NUDT1: variants seen among roughly 807,000 people sequenced by gnomAD.
NUDT1 encodes the protein oxidized purine nucleoside triphosphate hydrolase.
A neutral mutation model predicts 11.3 loss-of-function variants in NUDT1; 16 were observed. The ratio of observed to expected loss-of-function variants is 1.41; its 90% CI spans 0.96 to 2.15. The LOEUF is 2.15. Among genes scored for constraint, NUDT1 ranks in the 30% most tolerant of loss-of-function variants. The probability of loss-of-function intolerance (pLI) is 0.00; values close to 1 mark genes in which losing one functional copy is unlikely to be tolerated. For synonymous variants in NUDT1, 101 were observed against 84.4 expected, an observed-to-expected ratio of 1.20 and a Z score of -1.08; for missense variants, 234 against 208.4, an observed-to-expected ratio of 1.12 and a Z score of -0.76.
intron 1 of NUDT1, among the ~76,000 whole-genome samples, chr7:2,243,240 C>A (rs1397311095): frequency 6.6e-6 from 1 of 152,100 alleles, no homozygotes; most frequent in African/African-American, 2.4e-5. Context: ...AGGCACAGGA[C>A]GGGGACGTGG....
Position 2,250,010 on chromosome 7 carries a change from T to C in NUDT1, c.298+8T>C. The stretch of plus-strand genomic sequence containing the variant: ...CCCCCGTGGAGAGCGACGGTGAGTC[T>C]CACAGGGCCTGCTCCCCCTCCCCAC... On this transcript the variant is annotated splice_region_variant and intron_variant, in intron 3 of 3. Coordinates refer to ENST00000356714, the MANE Select transcript of NUDT1 (RefSeq NM_002452.4). The C allele has an allele frequency of 6.2e-7, 1 of 1,613,576 alleles. No homozygotes were observed. Among genetic ancestry groups the C allele is most frequent in the Non-Finnish European group, 8.5e-7 (1 of 1,179,906 alleles).
chr7:2,242,945 G>A (rs370335326), intron 1 of NUDT1: 1 of 713,946 alleles, frequency 1.4e-6, no homozygotes, highest in Non-Finnish European at 2.6e-6. Context: ...TTGATGTACT[G>A]GAGCAATCAG....
intron 1 of NUDT1, 178 bp downstream of exon 1, chr7:2,242,434 G>T: frequency 2.0e-6 from 1 of 507,942 alleles, no homozygotes; most frequent in South Asian, 2.8e-5. Context: ...GGAGAGCGGG[G>T]CCGGGGGTTT....
At position 2,250,816 on chromosome 7, in the gene NUDT1, C is replaced by A. The variant is rs781275176; in HGVS notation, c.299-13C>A. On this transcript the variant is annotated splice_polypyrimidine_tract_variant and intron_variant, in intron 3 of 3. Transcript: ENST00000356714. ...GTTGCACCTCAGTGCCTCCTCTTCC[C>A]CCATTGGTACAGAAATGCGCCCATG... 1 of 1,614,034 alleles carries A rather than the reference C, an allele frequency of 6.2e-7. No homozygotes were observed. Among genetic ancestry groups the A allele is most frequent in the Non-Finnish European group, 8.5e-7 (1 of 1,179,940 alleles).
chr7:2,243,085 G>A (rs1194451710), intron 1 of NUDT1: 1 of 709,220 alleles, frequency 1.4e-6, no homozygotes, highest in African/African-American at 1.7e-5. Context: ...TGAGCAGCCT[G>A]GGCTCTCCTC....
At chr7:2,243,292 G>A (rs748375154) in intron 1 of NUDT1, among the ~76,000 whole-genome samples, 4 of 152,192 alleles carry the variant, frequency 2.6e-5, no homozygotes, top group Non-Finnish European at 4.4e-5. Flanking sequence ...AAACAGAAAT[G>A]CCTGTCCTCA....
intron 2 of NUDT1, among the ~76,000 whole-genome samples, chr7:2,246,674 G>A (rs1282310093): frequency 1.3e-5 from 2 of 152,196 alleles, no homozygotes; most frequent in African/African-American, 4.8e-5. Context: ...TACACAAACA[G>A]AGGGACCATC....
intron 3 of NUDT1, among the ~76,000 whole-genome samples, 175 bp downstream of exon 3, chr7:2,250,177 C>T (rs972304537): frequency 2.8e-4 from 42 of 152,382 alleles, no homozygotes; most frequent in African/African-American, 9.6e-4. Context: ...CACCGAGGCT[C>T]CAGTAGCGTA....
At chr7:2,245,684 G>A (rs1794741689) in intron 2 of NUDT1, among the ~76,000 whole-genome samples, 1 of 152,036 alleles carries the variant, frequency 6.6e-6, no homozygotes, top group Non-Finnish European at 1.5e-5. Context: ...TCAGCCTCAC[G>A]AACAGCTGGG....
At position 2,242,230 on chromosome 7, in the gene NUDT1, G is replaced by A; in HGVS notation, c.-39G>A. The A allele has an allele frequency of 6.6e-7, 1 of 1,504,730 alleles. No homozygotes were observed. The allele number at this position is 1,504,730 out of a possible 1,614,324, so 93.2% of individuals were successfully genotyped here. ...TGCCTGGCCTCACTTCCGGTCAGAG[G>A]CCACGCCCCCGGAAGCGGCGGTGCA... is the stretch of plus-strand genomic sequence containing the variant. On this transcript the variant is annotated 5_prime_UTR_variant, in exon 1 of 4. Transcript: ENST00000356714.
At position 2,250,937 on chromosome 7, in the gene NUDT1, A is replaced by T. The variant is rs1562412327; in HGVS notation, c.407A>T (p.Tyr136Phe). ...LLLQKKKFHG[Y>F]FKFQGQDTIL... ...CTTCAGAAGAAGAAATTCCACGGGT[A>T]CTTCAAGTTCCAGGGTCAGGACACC... The change falls in exon 4 of 4, where the codon TAC (tyrosine) becomes TTC (phenylalanine). Residue 136 changes from tyrosine (Y) to phenylalanine (F), a missense_variant. Transcript: ENST00000356714. 6.2e-7 allele frequency: 1 copy of T among 1,613,982 alleles called. No homozygotes were observed. Among genetic ancestry groups the T allele is most frequent in the Non-Finnish European group, 8.5e-7 (1 of 1,179,924 alleles).
intron 1 of NUDT1, chr7:2,242,468 G>A (rs973017644): frequency 4.1e-6 from 2 of 491,480 alleles, no homozygotes; most frequent in African/African-American, 2.0e-5. Context: ...GGAGAGCGGG[G>A]CGGAGGCTTG....
At chr7:2,249,729 C>T in intron 2 of NUDT1, 128 bp from the exon 3 acceptor site, 6 of 1,148,144 alleles carry the variant, frequency 5.2e-6, no homozygotes, top group Non-Finnish European at 7.6e-6. Context: ...GGACATCCTC[C>T]TGGGTCTCCC....
chr7:2,245,243 A>C (rs2115055257), intron 2 of NUDT1, among the ~76,000 whole-genome samples: 1 of 152,290 alleles, frequency 6.6e-6, no homozygotes, highest in Middle Eastern at 3.4e-3. Flanking sequence ...ACCCAAGATC[A>C]CACAGTCCTC....
intron 1 of NUDT1, chr7:2,242,987 GTTTTATGA>G: frequency 1.4e-6 from 1 of 716,912 alleles, no homozygotes; most frequent in Non-Finnish European, 2.6e-6. Flanking sequence ...TGAGTGCAAG[GTTTTATGA>G]GTGGAATTAG....
chr7:2,246,282 G>C (rs1480772427), intron 2 of NUDT1, among the ~76,000 whole-genome samples: 1 of 152,200 alleles, frequency 6.6e-6, no homozygotes, highest in Non-Finnish European at 1.5e-5. Context: ...TGGCTGCCGG[G>C]TTCAGGAGAC....
intron 2 of NUDT1, among the ~76,000 whole-genome samples, chr7:2,247,388 T>G (rs34413455): frequency 1.3e-5 from 2 of 152,142 alleles, no homozygotes; most frequent in African/African-American, 4.8e-5. Context: ...GACCCTCCTC[T>G]GTGGGGCAGG....
chr7:2,244,620 C>T lies in NUDT1; in HGVS notation c.46C>T (p.Gln16Ter). The T allele has an allele frequency of 6.2e-7, 1 of 1,613,548 alleles. No individual in the cohort carries two copies. The highest frequency in any genetic ancestry group is 8.5e-7 in the Non-Finnish European group (1 of 1,179,696). ...LYTLVLVLQP[Q>*]RVLLGMKKRG... ...TACCCTGGTGCTGGTCCTGCAGCCTCAGCGAGTTCTCCTGGGCATGAAAAA... is the reference window on the plus strand; with the variant it reads ...TACCCTGGTGCTGGTCCTGCAGCCTTAGCGAGTTCTCCTGGGCATGAAAAA... Residue 16 changes from glutamine to a stop codon, truncating the protein, a stop_gained, in exon 2 of 4, where the codon CAG becomes TAG. Transcript: ENST00000356714. LOFTEE classifies it high-confidence loss of function.
In NUDT1 at chr7:2,249,708, T is replaced by C. The variant is rs76124418; in HGVS notation, c.153-149T>C. On this transcript the variant is annotated intron_variant, in intron 2 of 3. Coordinates refer to ENST00000356714, the MANE Select transcript of NUDT1 (RefSeq NM_002452.4). Reference sequence around the variant, plus strand: ...GCTCAGCCAGGTCGGGACCAGATAATGCATTCTAGGGGACATCCTCCTGGG... The same window carrying C: ...GCTCAGCCAGGTCGGGACCAGATAACGCATTCTAGGGGACATCCTCCTGGG... The C allele has an allele frequency of 9.4e-4, 850 of 901,210 alleles. 7 individuals are homozygous for C. The African/African-American group carries it at 0.012, about 13-fold the overall frequency. 55.8% of individuals were successfully genotyped at this position (901,210 alleles called of 1,614,324 possible).
Sources: allele counts gnomAD v4.1 joint callset (sites outside exome capture counted in the v4.1 genomes callset), GRCh38; gene constraint gnomAD v4.1.1; transcripts MANE v1.5; gene names NCBI Gene and HGNC (gene_info 2026-07-23, HGNC 2026-07-21).